Variants in MYO6 observed in about 807,000 individuals in gnomAD.
MYO6 encodes myosin VI.
A neutral mutation model predicts 178.7 loss-of-function variants in MYO6; 74 were observed. That is an observed-to-expected ratio of 0.41 (90% CI 0.34 to 0.50). The LOEUF is 0.50. MYO6 is among the 20% of genes least tolerant of loss of function. The pLI, the probability that MYO6 is intolerant of heterozygous loss-of-function variation, is 0.09. For missense variants in MYO6, 1,330 were observed against 1,547.4 expected, an observed-to-expected ratio of 0.86 and a Z score of 2.36; for synonymous variants, 477 against 504.6, an observed-to-expected ratio of 0.95 and a Z score of 0.73.
At chr6:75,899,244 A>T (rs1422355204) in intron 30 of MYO6, among the ~76,000 whole-genome samples, 1 of 152,298 alleles carries the variant, frequency 6.6e-6, no homozygotes, top group East Asian at 1.9e-4. Flanking sequence ...TTTGAATTTA[A>T]TGTAATTTTT....
rs1398124041 is a variant in MYO6, at chr6:75,841,360, T to A, written c.798T>A (p.Ser266Arg). ...ATATTAGAGAAAAACTTCATTTGAG[T>A]TCACCAGATAATTTTCGGGTAGGTC... ...SEDIREKLHLSSPDNFRYLNR... is the reference protein window; with the variant it reads ...SEDIREKLHLRSPDNFRYLNR... The change falls in exon 9 of 35, where the codon AGT becomes AGA. Residue 266 changes from serine to arginine, a missense_variant. Ser to Arg is a moderately radical substitution (Grantham distance 110). Around this residue, in one of 3 missense-constraint regions of MYO6, gnomAD observed 613 missense variants for 816.8 expected, o/e 0.75. Coordinates refer to ENST00000369977, the MANE Select transcript of MYO6 (RefSeq NM_004999.4). The A allele has an allele frequency of 1.2e-6, 2 of 1,613,616 alleles. No individual in the cohort carries two copies. The highest frequency in any genetic ancestry group is 2.7e-5 in the African/African-American group (2 of 74,880).
At chr6:75,912,704 TTTGAA>T (rs1283114023) in intron 33 of MYO6, among the ~76,000 whole-genome samples, 5 of 152,066 alleles carry the variant, frequency 3.3e-5, no homozygotes. Flanking sequence ...AATTCTTAGT[TTTGAA>T]TTAGTACATT....
intron 14 of MYO6, among the ~76,000 whole-genome samples, chr6:75,859,488 C>G (rs1442819752): frequency 1.3e-5 from 2 of 150,892 alleles, no homozygotes; most frequent in African/African-American, 4.9e-5. Context: ...TTAGTAGAGA[C>G]AGGGTTTCAC....
chr6:75,912,802 T>G (rs1242391465), intron 33 of MYO6, among the ~76,000 whole-genome samples: 1 of 152,092 alleles, frequency 6.6e-6, no homozygotes, highest in African/African-American at 2.4e-5. Flanking sequence ...AGCAAAAGAA[T>G]AGATAAGCAG....
intron 1 of MYO6, among the ~76,000 whole-genome samples, chr6:75,788,617 T>G (rs1767919566): frequency 1.3e-5 from 2 of 152,338 alleles, no homozygotes; most frequent in South Asian, 4.1e-4. Context: ...TTTGTATTTT[T>G]GGTAGAGAAG....
Position 75,884,195 on chromosome 6 carries a change from G to A in MYO6, c.2417-1809G>A, listed in dbSNP as rs188038091. On this transcript the variant is annotated intron_variant, in intron 23 of 34. Coordinates refer to ENST00000369977, the MANE Select transcript of MYO6 (RefSeq NM_004999.4). ...TTGCAGAATGTTAATAGGAAACTCT[G>A]AAAAAAAAGTTCAAGGTCAGATCAT... Among the ~76,000 whole-genome samples, 718 of 151,954 alleles carry A rather than the reference G, an allele frequency of 4.7e-3. 5 individuals are homozygous for A. The highest frequency in any genetic ancestry group is 9.8e-3 in the South Asian group (47 of 4,806).
intron 17 of MYO6, 73 bp downstream of exon 17, chr6:75,866,694 C>T (rs1776734285): frequency 6.9e-6 from 9 of 1,309,428 alleles, no homozygotes; most frequent in Non-Finnish European, 1.0e-5. Context: ...AGCTTCTAGT[C>T]ACGTGGTTAT....
chr6:75,855,848 A>G (rs1775682235), intron 12 of MYO6, among the ~76,000 whole-genome samples: 1 of 152,172 alleles, frequency 6.6e-6, no homozygotes, highest in African/African-American at 2.4e-5. Flanking sequence ...TAAAATTGAC[A>G]TTCAGCCTTG....
intron 1 of MYO6, among the ~76,000 whole-genome samples, chr6:75,787,726 C>CTATA (rs1562158559): frequency 3.4e-4 from 7 of 20,456 alleles, no homozygotes; most frequent in Non-Finnish European, 5.3e-4. Context: ...CTCTCTCTCT[C>CTATA]TCTCTATATA....
chr6:75,750,776 C>T (rs1776818465), intron 1 of MYO6, among the ~76,000 whole-genome samples: 1 of 151,732 alleles, frequency 6.6e-6, no homozygotes, highest in Non-Finnish European at 1.5e-5. Flanking sequence ...GACGGGGATT[C>T]GCCATGTTGG....
intron 1 of MYO6, among the ~76,000 whole-genome samples, chr6:75,775,377 C>G (rs1482870098): frequency 6.6e-6 from 1 of 152,196 alleles, no homozygotes; most frequent in East Asian, 1.9e-4. Context: ...GCTGCCTTGG[C>G]TTCTGGCACT....
Position 75,832,492 on chromosome 6 carries a change from G to A in MYO6, c.392-350G>A, listed in dbSNP as rs1251459562. 2.0e-5 allele frequency among the ~76,000 whole-genome samples: 3 copies of A among 151,982 alleles called. No homozygotes were observed. The East Asian group carries it at 5.8e-4, about 29-fold the overall frequency. The stretch of plus-strand genomic sequence containing the variant: ...TCATTAATTCTTGCTTTTCACTGGG[G>A]ACTTCATTAGTTATGCATAGTGACC... On this transcript the variant is annotated intron_variant, in intron 5 of 34. Transcript: ENST00000369977.
intron 6 of MYO6, among the ~76,000 whole-genome samples, chr6:75,835,523 C>T (rs546682061): frequency 1.3e-5 from 2 of 152,216 alleles, no homozygotes; most frequent in Admixed American, 1.3e-4. Flanking sequence ...CCTTGGCCTC[C>T]CAGGTTCAAG....
Position 75,852,109 on chromosome 6 carries a change from G to GT in MYO6, c.1079-3018dup, listed in dbSNP as rs10707651. 8.6e-3 allele frequency among the ~76,000 whole-genome samples: 1,236 copies of GT among 144,288 alleles called. 8 individuals carry two copies. The highest frequency in any genetic ancestry group is 0.024 in the African/African-American group (941 of 39,660). 94.7% of individuals were successfully genotyped at this position (144,288 alleles called of 152,430 possible). On this transcript the variant is annotated intron_variant, in intron 11 of 34. Transcript: ENST00000369977. ...CCTTTTAAGACTTATTAAAAATCCT[G>GT]TTTTTTTTTTTTATCTTAGCCTTAC...
intron 1 of MYO6, among the ~76,000 whole-genome samples, chr6:75,812,806 T>C (rs1770826304): frequency 6.6e-6 from 1 of 152,206 alleles, no homozygotes; most frequent in Non-Finnish European, 1.5e-5. Context: ...TGAATAATAC[T>C]CCACTGTATA....
At chr6:75,898,221 A>G in intron 29 of MYO6, 152 bp from the exon 30 acceptor site, 1 of 487,224 alleles carries the variant, frequency 2.1e-6, no homozygotes. Context: ...TTTGTTGAAT[A>G]GTATATTCTA....
chr6:75,793,848 TC>T (rs1768504834), intron 1 of MYO6, among the ~76,000 whole-genome samples: 1 of 152,190 alleles, frequency 6.6e-6, no homozygotes, highest in Non-Finnish European at 1.5e-5. Flanking sequence ...GTTGGGAACA[TC>T]CCTACCAAAA....
Position 75,858,939 on chromosome 6 carries a change from C to T in MYO6, c.1419C>T (p.Ile473=), listed in dbSNP as rs1362005158. Residue 473 remains isoleucine, a synonymous_variant, in exon 14 of 35, where the codon ATC becomes ATT. Transcript: ENST00000369977. ...FEHNSFEQFC[I]NYCNEKLQQF... ...ATAACAGTTTTGAACAATTTTGCAT[C>T]AACTATTGCAATGAAAAACTTCAAC... 1.2e-6 allele frequency: 2 copies of T among 1,610,968 alleles called. No homozygotes were observed. Among genetic ancestry groups the T allele is most frequent in the South Asian group, 2.2e-5 (2 of 90,808 alleles).
chr6:75,854,335 T>C (rs1199007170), intron 11 of MYO6, among the ~76,000 whole-genome samples: 1 of 143,488 alleles, frequency 7.0e-6, no homozygotes, highest in African/African-American at 2.6e-5. Flanking sequence ...AGTGTAAAGA[T>C]ATTGAAAATG....
Sources: allele counts gnomAD v4.1 joint callset (sites outside exome capture counted in the v4.1 genomes callset), GRCh38; gene constraint gnomAD v4.1.1; regional missense constraint gnomAD v4.1.1; transcripts MANE v1.5; gene names NCBI Gene and HGNC (gene_info 2026-07-23, HGNC 2026-07-21).